Variants in COL16A1 observed in about 807,000 individuals in gnomAD.
The protein encoded by COL16A1 is collagen type XVI alpha 1 chain.
A neutral mutation model predicts 266.3 loss-of-function variants in COL16A1; 189 were observed. The observed-to-expected ratio is 0.71, with a 90% CI of 0.63 to 0.80. The LOEUF is 0.80. COL16A1 is among the 30% of genes least tolerant of loss of function. The probability of loss-of-function intolerance (pLI) is 0.00; values close to 1 mark genes in which losing one functional copy is unlikely to be tolerated. For missense variants in COL16A1, 1,928 were observed against 2,122.4 expected, an observed-to-expected ratio of 0.91 and a Z score of 1.80; for synonymous variants, 740 against 782.3, an observed-to-expected ratio of 0.95 and a Z score of 0.90.
intron 26 of COL16A1, among the ~76,000 whole-genome samples, chr1:31,687,733 C>T (rs942772812): frequency 6.7e-5 from 10 of 150,108 alleles, no homozygotes; most frequent in East Asian, 5.9e-4. Context: ...TGGGAAGAGG[C>T]GGCAGGTGGG....
chr1:31,666,792 T>A (rs1008460006), intron 52 of COL16A1, among the ~76,000 whole-genome samples: 6 of 152,068 alleles, frequency 3.9e-5, no homozygotes, highest in African/African-American at 1.4e-4. Context: ...CCCCTCCGCT[T>A]CGATGGTGCC....
In COL16A1 at chr1:31,691,695, C is replaced by A. The variant is rs2297678; in HGVS notation, c.1258-53G>T. On this transcript the variant is annotated intron_variant, in intron 17 of 70. Transcript: ENST00000373672. ...CAAACAGCCCTGAGGCCTGGCACCG[C>A]CCCACTGGGAGAGGTGAATGCCCAC... 6.7e-5 allele frequency: 106 copies of A among 1,582,702 alleles called. No homozygotes were observed. In the East Asian group the frequency reaches 2.2e-3, roughly 32 times the overall value.
intron 52 of COL16A1, among the ~76,000 whole-genome samples, chr1:31,667,020 G>T (rs1480371015): frequency 6.6e-6 from 1 of 152,218 alleles, no homozygotes; most frequent in East Asian, 1.9e-4. Flanking sequence ...GATGGAGTTT[G>T]CTGAATCCCA....
Position 31,698,314 on chromosome 1 carries a change from CTATACAT to C in COL16A1, c.391-149_391-143del. 6.5e-7 allele frequency: 1 copy of C among 1,533,380 alleles called. No homozygotes were observed. The highest frequency in any genetic ancestry group is 8.8e-7 in the Non-Finnish European group (1 of 1,140,866). 95.0% of individuals were successfully genotyped at this position (1,533,380 alleles called of 1,614,324 possible). A position where few individuals can be genotyped will look rare whatever the true frequency, so the allele number is the denominator to read the frequency against. ...AAGAAAGCCGGCTGGGGTCAAGGAG[CTATACAT>C]CCTGAAAGAATGAGGTAGGTACTGG... On this transcript the variant is annotated intron_variant, in intron 5 of 70. Transcript: ENST00000373672. This position sits in a 1 kb window ranked among gnomAD's most constrained non-coding sequence, Gnocchi z 4.1.
chr1:31,661,121 TA>T lies in COL16A1; in HGVS notation c.3772-3del. 1 of 1,563,234 alleles carries T rather than the reference TA, an allele frequency of 6.4e-7. No homozygotes were observed. Among genetic ancestry groups the T allele is most frequent in the Admixed American group, 1.9e-5 (1 of 52,076 alleles). ...GGGACCTGGTTTGCCACAGTCACCCTAGAAGAGAGAGGAGCAGCTGGAGCTT... is the reference window on the plus strand; with the variant it reads ...GGGACCTGGTTTGCCACAGTCACCCTGAAGAGAGAGGAGCAGCTGGAGCTT... On this transcript the variant is annotated splice_region_variant and splice_polypyrimidine_tract_variant and intron_variant, in intron 60 of 70. Coordinates refer to ENST00000373672, the MANE Select transcript of COL16A1 (RefSeq NM_001856.4).
chr1:31,655,514 G>C lies in COL16A1; in HGVS notation c.4102-12C>G, dbSNP rs377253155. 5 of 1,613,252 alleles carry C rather than the reference G, an allele frequency of 3.1e-6. No individual in the cohort carries two copies. The Admixed American group carries it at 8.3e-5, about 27-fold the overall frequency. On this transcript the variant is annotated splice_polypyrimidine_tract_variant and intron_variant, in intron 66 of 70. Transcript: ENST00000373672. ...GCTCCTGGATCACCCTACAAAGATA[G>C]ATACTTAGTGCTGTCAAATTTACAT...
chr1:31,698,609 G>C lies in COL16A1; in HGVS notation c.267-3C>G, dbSNP rs1431260473. On this transcript the variant is annotated splice_polypyrimidine_tract_variant and splice_region_variant and intron_variant, in intron 4 of 70. Transcript: ENST00000373672. This position sits in a 1 kb window ranked among gnomAD's most constrained non-coding sequence, Gnocchi z 4.1. Reference sequence around the variant, plus strand: ...GGAGACCCCGAGGGAATACTCTTCTGGAGATGGAGCAGGGAGGGTGCCCTG... The same window carrying C: ...GGAGACCCCGAGGGAATACTCTTCTCGAGATGGAGCAGGGAGGGTGCCCTG... The C allele has an allele frequency of 1.2e-6, 2 of 1,613,654 alleles. No individual in the cohort carries two copies. The highest frequency in any genetic ancestry group is 2.2e-5 in the South Asian group (2 of 91,064).
intron 52 of COL16A1, 122 bp from the exon 53 acceptor site, chr1:31,666,203 C>T: frequency 9.5e-7 from 1 of 1,055,012 alleles, no homozygotes; most frequent in Non-Finnish European, 1.4e-6. Flanking sequence ...CCTGGGCTGG[C>T]AGGCCCCCTC....
At position 31,657,034 on chromosome 1, in the gene COL16A1, T is replaced by A. The variant is rs772033372; in HGVS notation, c.4055A>T (p.Glu1352Val). 1.2e-6 allele frequency: 2 copies of A among 1,614,052 alleles called. No homozygotes were observed. Among genetic ancestry groups the A allele is most frequent in the Non-Finnish European group, 1.7e-6 (2 of 1,179,996 alleles). Residue 1352 changes from glutamate to valine, a missense_variant and splice_region_variant, in exon 65 of 71, where the codon GAG (glutamate) becomes GTG (valine). Around this residue, in one of 2 missense-constraint regions of COL16A1, gnomAD observed 376 missense variants for 485.2 expected, o/e 0.77. Transcript: ENST00000373672. The surrounding 1 kb of genome is among the most constrained non-coding windows in gnomAD (Gnocchi z 6.4). The part of the protein sequence containing the change: ...EPGTDGAAGK[E>V]GPPGKQGFYG... Reference sequence around the variant, plus strand: ...CAGAGAAGACCAGTACAACTGTACCTCTTTGCCAGCTGCACCATCCGTACC... The same window carrying A: ...CAGAGAAGACCAGTACAACTGTACCACTTTGCCAGCTGCACCATCCGTACC...
intron 47 of COL16A1, 123 bp downstream of exon 47, chr1:31,672,293 G>A (rs911567358): frequency 9.3e-7 from 1 of 1,079,718 alleles, no homozygotes; most frequent in Non-Finnish European, 1.4e-6. Context: ...CGTGCCAGGA[G>A]AGCAGATGAG....
At chr1:31,660,955 G>A in intron 61 of COL16A1, 111 bp downstream of exon 61, 1 of 1,239,150 alleles carries the variant, frequency 8.1e-7, no homozygotes, top group East Asian at 2.6e-5. Context: ...CCAGAAGGCT[G>A]AGGACAGAAA....
intron 20 of COL16A1, 107 bp downstream of exon 20, chr1:31,691,081 C>T (rs1644241194): frequency 6.6e-7 from 1 of 1,520,096 alleles, no homozygotes; most frequent in Non-Finnish European, 8.8e-7. Flanking sequence ...AAGGCCCGGC[C>T]TCCTCCCTGG....
rs775924572 is a variant in COL16A1, at chr1:31,688,836, G to A, written c.1767+25C>T. 5 of 1,601,046 alleles carry A rather than the reference G, an allele frequency of 3.1e-6. No homozygotes were observed. The highest frequency in any genetic ancestry group is 4.3e-6 in the Non-Finnish European group (5 of 1,171,722). On this transcript the variant is annotated intron_variant, in intron 25 of 70. Coordinates refer to ENST00000373672, the MANE Select transcript of COL16A1 (RefSeq NM_001856.4). The surrounding 1 kb of genome is among the most constrained non-coding windows in gnomAD (Gnocchi z 4.9). ...ATGGCAAGGATGGCTGAACTGGGCT[G>A]GGCTGGGAGAAAGTCGTCACTCACC...
rs1642323752 is a variant in COL16A1 at position 31,668,326 on chromosome 1, G to A, written c.3250-108C>T. On this transcript the variant is annotated intron_variant, in intron 50 of 70. Coordinates refer to ENST00000373672, the MANE Select transcript of COL16A1 (RefSeq NM_001856.4). This position sits in a 1 kb window ranked among gnomAD's most constrained non-coding sequence, Gnocchi z 5.8. ...AACCTCTGGGGCTGCCATCTAGCAG[G>A]TGCCAGCCTGCCCCAGCATTGCACA... 3 of 1,183,462 alleles carry A rather than the reference G, an allele frequency of 2.5e-6. No homozygotes were observed. Among genetic ancestry groups the A allele is most frequent in the Non-Finnish European group, 3.7e-6 (3 of 808,010 alleles). The allele number at this position is 1,183,462 out of a possible 1,614,324, so 73.3% of individuals were successfully genotyped here. A position where few individuals can be genotyped will look rare whatever the true frequency, so the allele number is the denominator to read the frequency against.
intron 26 of COL16A1, among the ~76,000 whole-genome samples, chr1:31,687,081 C>T (rs1644013715): frequency 1.3e-5 from 2 of 152,182 alleles, no homozygotes; most frequent in Non-Finnish European, 2.9e-5. Context: ...TACAAAGCCA[C>T]ATTAAACTAC....
intron 67 of COL16A1, 55 bp downstream of exon 67, chr1:31,655,259 C>G: frequency 6.4e-7 from 1 of 1,552,966 alleles, no homozygotes; most frequent in Non-Finnish European, 8.7e-7. Flanking sequence ...CCGAGCTCCA[C>G]CCCACATGCC....
At chr1:31,699,666 A>C in intron 4 of COL16A1, 147 bp downstream of exon 4, 1 of 643,516 alleles carries the variant, frequency 1.6e-6, no homozygotes, top group Non-Finnish European at 2.7e-6. Flanking sequence ...CTGCAAGCCC[A>C]GGGGTGGAGA....
chr1:31,683,590 AC>A, intron 34 of COL16A1, 116 bp downstream of exon 34: 1 of 1,597,316 alleles, frequency 6.3e-7, no homozygotes, highest in Non-Finnish European at 8.6e-7. Flanking sequence ...TGGTCCCAGA[AC>A]TAAGTCCTGT....
At position 31,698,652 on chromosome 1, in the gene COL16A1, C is replaced by G; in HGVS notation, c.267-46G>C. ...GTGCCCTGAGGCTCCAATGAGGACC[C>G]AAATGCTGCCCACCCTGAGCCCTCA... is the stretch of plus-strand genomic sequence containing the variant. On this transcript the variant is annotated intron_variant, in intron 4 of 70. Transcript: ENST00000373672. This position sits in a 1 kb window ranked among gnomAD's most constrained non-coding sequence, Gnocchi z 4.1. The G allele has an allele frequency of 6.2e-7, 1 of 1,605,200 alleles. No individual in the cohort carries two copies. The highest frequency in any genetic ancestry group is 8.5e-7 in the Non-Finnish European group (1 of 1,177,050).
Sources: gnomAD v4.1 joint callset for allele counts (sites outside exome capture counted in the v4.1 genomes callset) on GRCh38, gnomAD v4.1.1 for gene constraint, gnomAD v4.1.1 regional missense constraint, Gnocchi (gnomAD v3.1) non-coding constraint, MANE v1.5 for transcripts, NCBI Gene and HGNC (gene_info 2026-07-23, HGNC 2026-07-21) for gene names.